CCDC191: variants seen among roughly 807,000 people sequenced by gnomAD.
CCDC191 encodes the protein coiled-coil domain-containing protein 191.
Under a neutral mutation model 114.0 loss-of-function variants are expected in CCDC191, and 99 were observed. That is an observed-to-expected ratio of 0.87 (90% CI 0.74 to 1.03). The LOEUF is 1.03. CCDC191 is among the 50% of genes least tolerant of loss of function. The pLI is 0.00. For synonymous variants in CCDC191, 351 were observed against 376.0 expected (o/e 0.93, Z 0.77); for missense variants, 973 against 1,087.0 (o/e 0.90, Z 1.47).
At position 113,977,869 on chromosome 3, in the gene CCDC191, A is replaced by G. The variant is rs530167667; in HGVS notation, c.2606+317T>C. ...GAAACTGAACTTAAAAAATAAAACT[A>G]TATTTGACTAACAAAGAATACAGTA... On this transcript the variant is annotated intron_variant, in intron 16 of 16. Transcript: ENST00000295878. 1.8e-3 allele frequency among the ~76,000 whole-genome samples: 279 copies of G among 152,354 alleles called. 2 individuals carry two copies. Among genetic ancestry groups the G allele is most frequent in the African/African-American group, 6.4e-3 (266 of 41,590 alleles).
intron 13 of CCDC191, among the ~76,000 whole-genome samples, chr3:114,000,953 C>T (rs532351831): frequency 6.6e-6 from 1 of 152,258 alleles, no homozygotes; most frequent in African/African-American, 2.4e-5. Flanking sequence ...CAATGTCTGG[C>T]CCCTTGATCT....
intron 7 of CCDC191, among the ~76,000 whole-genome samples, chr3:114,024,347 T>C (rs561296999): frequency 6.6e-6 from 1 of 152,338 alleles, no homozygotes; most frequent in Non-Finnish European, 1.5e-5. Context: ...ATCCCATTAC[T>C]GGGTATATAC....
chr3:114,019,238 A>C (rs2076210077), intron 7 of CCDC191, among the ~76,000 whole-genome samples: 1 of 152,196 alleles, frequency 6.6e-6, no homozygotes, highest in South Asian at 2.1e-4. Context: ...TTGGAGCTCA[A>C]AATACCAACC....
chr3:113,971,326 G>A (rs1360894740), intron 16 of CCDC191, among the ~76,000 whole-genome samples: 2 of 152,178 alleles, frequency 1.3e-5, no homozygotes, highest in African/African-American at 4.8e-5. Context: ...GTGATGATGA[G>A]CATTTTTTCT....
At chr3:113,977,160 C>T (rs1197419050) in intron 16 of CCDC191, among the ~76,000 whole-genome samples, 5 of 152,058 alleles carry the variant, frequency 3.3e-5, no homozygotes, top group Admixed American at 6.6e-5. Context: ...AGCCGGGTGT[C>T]GTGGTGTGTG....
intron 2 of CCDC191, among the ~76,000 whole-genome samples, chr3:114,048,234 C>T (rs1304131097): frequency 6.6e-6 from 1 of 152,152 alleles, no homozygotes; most frequent in African/African-American, 2.4e-5. Context: ...TCCATTGCTA[C>T]CATGTTGGTC....
intron 13 of CCDC191, among the ~76,000 whole-genome samples, chr3:113,991,096 T>C (rs1485777203): frequency 1.3e-5 from 2 of 151,230 alleles, no homozygotes; most frequent in African/African-American, 2.4e-5. Flanking sequence ...ATTAGCTGGG[T>C]GTGGTGGCGC....
At chr3:114,001,778 G>A in intron 12 of CCDC191, 82 bp from the exon 13 acceptor site, 7 of 1,514,408 alleles carry the variant, frequency 4.6e-6, no homozygotes, top group Non-Finnish European at 6.3e-6. Context: ...ATAGTCAAGC[G>A]TCTACCAAAG....
At chr3:113,978,652 C>G (rs943371389) in intron 15 of CCDC191, 1 of 621,936 alleles carries the variant, frequency 1.6e-6, no homozygotes, top group Non-Finnish European at 2.7e-6. Context: ...ATACACACTC[C>G]GTGAAACAAA....
At chr3:113,978,731 A>T (rs977333485) in intron 15 of CCDC191, 127 bp downstream of exon 15, 2 of 955,762 alleles carry the variant, frequency 2.1e-6, no homozygotes, top group Non-Finnish European at 3.2e-6. Context: ...AAAGCAGTGA[A>T]TGGGATTGAC....
rs929271066 is a variant in CCDC191, at chr3:114,047,007, T to C, written c.130-275A>G. ...AAAGTTATTAAGATTTAGATAACTT[T>C]TGTTTAGGGCATTAGTGATAGGATC... On this transcript the variant is annotated intron_variant, in intron 2 of 16. Transcript: ENST00000295878. 6.3e-6 allele frequency: 6 copies of C among 959,338 alleles called. No homozygotes were observed. The Admixed American group carries it at 3.1e-4, about 49-fold the overall frequency. 59.4% of individuals were successfully genotyped at this position (959,338 alleles called of 1,614,324 possible). A position where few individuals can be genotyped will look rare whatever the true frequency, so the allele number is the denominator to read the frequency against.
chr3:113,987,650 C>T (rs1349218262), intron 13 of CCDC191, among the ~76,000 whole-genome samples: 1 of 152,224 alleles, frequency 6.6e-6, no homozygotes, highest in Non-Finnish European at 1.5e-5. Context: ...CCTCCTGCCT[C>T]AGCCTCCAAA....
rs781010215 is a variant in CCDC191, at chr3:114,010,965, G to A, written c.1220C>T (p.Thr407Ile). The A allele has an allele frequency of 5.6e-6, 9 of 1,614,014 alleles. No individual in the cohort carries two copies. Among genetic ancestry groups the A allele is most frequent in the Non-Finnish European group, 7.6e-6 (9 of 1,179,912 alleles). Residue 407 changes from threonine (T) to isoleucine (I), a missense_variant, in exon 9 of 17, where the codon ACA (threonine) becomes ATA (isoleucine). Thr to Ile is a moderately conservative substitution (Grantham distance 89). Transcript: ENST00000295878. ...GGCGCCATGCCAATGCTGCCATTCT[G>A]TAAAGCAGTGTCGGAGAACTTGTTT... ...NRKQVLRHCF[T>I]EWQHWHGAEL...
At chr3:114,045,726 A>T (rs1365891270) in intron 3 of CCDC191, among the ~76,000 whole-genome samples, 1 of 152,160 alleles carries the variant, frequency 6.6e-6, no homozygotes. Context: ...GTCTTCCTGC[A>T]GCACACCATG....
chr3:114,042,441 G>A (rs766560198), intron 4 of CCDC191, among the ~76,000 whole-genome samples: 18 of 152,138 alleles, frequency 1.2e-4, no homozygotes, highest in Non-Finnish European at 1.8e-4. Context: ...ATCTGTGGGG[G>A]CCAGGGGGTC....
intron 16 of CCDC191, among the ~76,000 whole-genome samples, chr3:113,977,184 C>G (rs1222649771): frequency 6.6e-6 from 1 of 152,156 alleles, no homozygotes; most frequent in Non-Finnish European, 1.5e-5. Flanking sequence ...GTAATCCTAG[C>G]TACTTGGCGG....
At chr3:113,977,391 A>C (rs1941448530) in intron 16 of CCDC191, among the ~76,000 whole-genome samples, 1 of 152,222 alleles carries the variant, frequency 6.6e-6, no homozygotes, top group Non-Finnish European at 1.5e-5. Flanking sequence ...AATGACACCA[A>C]ATCACCACTC....
chr3:113,968,911 T>G (rs1225503425), intron 16 of CCDC191, among the ~76,000 whole-genome samples: 1 of 151,998 alleles, frequency 6.6e-6, no homozygotes, highest in Non-Finnish European at 1.5e-5. Context: ...AAGAGGTTTA[T>G]TGGACTTGCA....
chr3:113,984,283 G>T (rs2075277306), intron 13 of CCDC191: 1 of 151,872 alleles, frequency 6.6e-6, no homozygotes, highest in Admixed American at 6.6e-5. Context: ...CAATTTGCTG[G>T]TACACTCAAT....
Sources: gnomAD v4.1 joint callset for allele counts (sites outside exome capture counted in the v4.1 genomes callset) on GRCh38, gnomAD v4.1.1 for gene constraint, MANE v1.5 for transcripts, NCBI Gene and HGNC (gene_info 2026-07-23, HGNC 2026-07-21) for gene names.